Variants in MOB3B observed in about 807,000 individuals in gnomAD.
MOB3B encodes MOB kinase activator 3B, also known as MOB kinase activator-like 2B.
In MOB3B, 7 loss-of-function variants were observed where a neutral mutation model predicts 18.7. The ratio of observed to expected loss-of-function variants is 0.37; its 90% CI spans 0.21 to 0.70. The LOEUF is 0.70. Ranked by LOEUF, MOB3B falls within the 30% of genes least tolerant of loss-of-function variation. MOB3B has a pLI of 0.52. For missense variants in MOB3B, 253 were observed against 281.3 expected, an observed-to-expected ratio of 0.90 and a Z score of 0.72; for synonymous variants, 111 against 99.9, an observed-to-expected ratio of 1.11 and a Z score of -0.66.
chr9:27,426,569 C>T (rs1485964217), intron 2 of MOB3B, among the ~76,000 whole-genome samples: 2 of 152,196 alleles, frequency 1.3e-5, no homozygotes, highest in African/African-American at 2.4e-5. Context: ...CGCTCCAGAG[C>T]GTCATGGCCA....
At chr9:27,432,967 T>A (rs1226349227) in intron 2 of MOB3B, among the ~76,000 whole-genome samples, 1 of 152,206 alleles carries the variant, frequency 6.6e-6, no homozygotes, top group South Asian at 2.1e-4. Flanking sequence ...GACAGACTGA[T>A]GTTAGAAAAT....
intron 3 of MOB3B, among the ~76,000 whole-genome samples, chr9:27,351,797 G>C (rs982041571): frequency 6.6e-6 from 1 of 152,152 alleles, no homozygotes; most frequent in Non-Finnish European, 1.5e-5. Flanking sequence ...GTGTGGCCTG[G>C]CTACCTCTTA....
chr9:27,405,669 C>CA (rs756378580), intron 2 of MOB3B, among the ~76,000 whole-genome samples: 11 of 151,650 alleles, frequency 7.3e-5, no homozygotes, highest in Non-Finnish European at 1.6e-4. Flanking sequence ...AAAGACACAA[C>CA]AAAAAAAGAA....
intron 3 of MOB3B, among the ~76,000 whole-genome samples, chr9:27,352,437 A>G: frequency 6.6e-6 from 1 of 152,150 alleles, no homozygotes. Context: ...AGAGGAACTA[A>G]CAGATTATCT....
chr9:27,458,045 A>G (rs1819208258), intron 1 of MOB3B, among the ~76,000 whole-genome samples: 1 of 152,270 alleles, frequency 6.6e-6, no homozygotes, highest in South Asian at 2.1e-4. Context: ...TTAAAAAAAC[A>G]GACAATAGTC....
At chr9:27,395,401 C>T (rs535931136) in intron 2 of MOB3B, among the ~76,000 whole-genome samples, 10 of 151,962 alleles carry the variant, frequency 6.6e-5, no homozygotes, top group African/African-American at 2.2e-4. Context: ...ACATGTTATA[C>T]ACCATAAATA....
chr9:27,348,757 T>G (rs1238534967), intron 3 of MOB3B, among the ~76,000 whole-genome samples: 10 of 152,204 alleles, frequency 6.6e-5, no homozygotes, highest in Non-Finnish European at 2.9e-5. Flanking sequence ...GGAAGAAGGT[T>G]GGGTTATCAC....
intron 1 of MOB3B, among the ~76,000 whole-genome samples, chr9:27,512,438 T>C (rs1820161257): frequency 6.6e-6 from 1 of 152,246 alleles, no homozygotes; most frequent in Non-Finnish European, 1.5e-5. Context: ...CATTATAAAC[T>C]AGGTTCTACT....
At chr9:27,466,340 C>A (rs1227564091) in intron 1 of MOB3B, among the ~76,000 whole-genome samples, 1 of 152,182 alleles carries the variant, frequency 6.6e-6, no homozygotes, top group Admixed American at 6.5e-5. Flanking sequence ...ACCACTTCAG[C>A]CTGGACCTTA....
intron 2 of MOB3B, among the ~76,000 whole-genome samples, chr9:27,450,266 G>A (rs1234923545): frequency 6.6e-6 from 1 of 152,172 alleles, no homozygotes; most frequent in Non-Finnish European, 1.5e-5. Flanking sequence ...TGGACATTAT[G>A]TAAACTGCTC....
chr9:27,519,951 C>T (rs1475376361), intron 1 of MOB3B, among the ~76,000 whole-genome samples: 1 of 152,040 alleles, frequency 6.6e-6, no homozygotes, highest in African/African-American at 2.4e-5. Flanking sequence ...CCATCCTCTG[C>T]ATGCCCCATG....
chr9:27,370,476 C>A (rs1054651613), intron 2 of MOB3B, among the ~76,000 whole-genome samples: 1 of 149,968 alleles, frequency 6.7e-6, no homozygotes, highest in Non-Finnish European at 1.5e-5. Context: ...CCATTGCACT[C>A]CAGACTGGGC....
At chr9:27,524,886 G>A (rs1820406310) in intron 1 of MOB3B, 7 of 1,613,134 alleles carry the variant, frequency 4.3e-6, no homozygotes, top group Non-Finnish European at 5.9e-6. Flanking sequence ...CTGTGCCTGG[G>A]AGATTGTCCG....
chr9:27,414,553 C>G lies in MOB3B; in HGVS notation c.418+40580G>C, dbSNP rs537398484. Reference sequence around the variant, plus strand: ...TGAGGATTAGGTTTAAAATGTCAGACTCTTGAACAAAAGTCAGTTTATCTT... The same window carrying G: ...TGAGGATTAGGTTTAAAATGTCAGAGTCTTGAACAAAAGTCAGTTTATCTT... On this transcript the variant is annotated intron_variant, in intron 2 of 3. Transcript: ENST00000262244. Among the ~76,000 whole-genome samples the G allele has an allele frequency of 2.0e-5, 3 of 152,342 alleles. No homozygotes were observed. The East Asian group carries it at 5.8e-4, about 29-fold the overall frequency.
At chr9:27,404,539 G>C (rs1049823426) in intron 2 of MOB3B, among the ~76,000 whole-genome samples, 9 of 151,394 alleles carry the variant, frequency 5.9e-5, no homozygotes, top group African/African-American at 1.7e-4. Context: ...TGCGCTTTTA[G>C]TAGAGATGGG....
chr9:27,370,904 T>A (rs1035019815), intron 2 of MOB3B, among the ~76,000 whole-genome samples: 2 of 152,122 alleles, frequency 1.3e-5, no homozygotes, highest in African/African-American at 4.8e-5. Context: ...CTCCATGGAA[T>A]TGCTATAGGC....
At chr9:27,527,532 C>CA (rs1820454114) in intron 1 of MOB3B, among the ~76,000 whole-genome samples, 1 of 152,222 alleles carries the variant, frequency 6.6e-6, no homozygotes, top group Admixed American at 6.5e-5. Context: ...GGAAAACTCT[C>CA]AGAGCTGTGC....
chr9:27,461,930 G>C (rs2131457279), intron 1 of MOB3B, among the ~76,000 whole-genome samples: 1 of 152,290 alleles, frequency 6.6e-6, no homozygotes, highest in South Asian at 2.1e-4. Flanking sequence ...GGTATGGTTT[G>C]AAACATTACC....
At chr9:27,501,314 C>T (rs557259173) in intron 1 of MOB3B, among the ~76,000 whole-genome samples, 16 of 152,164 alleles carry the variant, frequency 1.1e-4, no homozygotes, top group South Asian at 4.2e-4. Flanking sequence ...ATGTTTATTG[C>T]GGCACTATTC....
Sources: allele counts gnomAD v4.1 joint callset (sites outside exome capture counted in the v4.1 genomes callset), GRCh38; gene constraint gnomAD v4.1.1; transcripts MANE v1.5; gene names NCBI Gene and HGNC (gene_info 2026-07-23, HGNC 2026-07-21).